Variants in CDH18 observed in about 807,000 individuals in gnomAD.
The protein encoded by CDH18 is cadherin-18.
A neutral mutation model predicts 67.9 loss-of-function variants in CDH18; 31 were observed. That is an observed-to-expected ratio of 0.46 (90% CI 0.34 to 0.62). The LOEUF is 0.62. Ranked by LOEUF, CDH18 falls within the 20% of genes least tolerant of loss-of-function variation. The pLI is 0.01. For synonymous variants in CDH18, 362 were observed against 347.2 expected (o/e 1.04, Z -0.48); for missense variants, 890 against 975.5 (o/e 0.91, Z 1.17).
At chr5:19,484,280 C>T (rs772414494) in intron 11 of CDH18, among the ~76,000 whole-genome samples, 4 of 152,034 alleles carry the variant, frequency 2.6e-5, no homozygotes, top group Non-Finnish European at 4.4e-5. Flanking sequence ...GTTATAAATA[C>T]TAATTTAAAA....
At chr5:20,186,958 A>G (rs1193832627) in intron 2 of CDH18, among the ~76,000 whole-genome samples, 1 of 151,972 alleles carries the variant, frequency 6.6e-6, no homozygotes, top group Non-Finnish European at 1.5e-5. Context: ...ACTATTACCC[A>G]GCCTTAAAAA....
intron 5 of CDH18, among the ~76,000 whole-genome samples, chr5:19,648,244 G>A (rs368883332): frequency 6.0e-5 from 9 of 150,436 alleles, no homozygotes; most frequent in South Asian, 4.2e-4. Context: ...TTGAAAAACC[G>A]TCTCTACTAA....
intron 2 of CDH18, among the ~76,000 whole-genome samples, chr5:20,247,869 T>C (rs182998506): frequency 6.6e-6 from 1 of 152,150 alleles, no homozygotes; most frequent in Non-Finnish European, 1.5e-5. Flanking sequence ...AAATAATTAG[T>C]AGTAGAAAAA....
intron 3 of CDH18, among the ~76,000 whole-genome samples, chr5:19,811,476 G>A (rs1026678892): frequency 5.9e-5 from 9 of 151,916 alleles, no homozygotes; most frequent in Non-Finnish European, 1.2e-4. Flanking sequence ...CTTTCCCTTC[G>A]AAGGAACCAA....
At chr5:20,457,627 T>C (rs1750931416) in intron 1 of CDH18, among the ~76,000 whole-genome samples, 1 of 152,138 alleles carries the variant, frequency 6.6e-6, no homozygotes, top group Non-Finnish European at 1.5e-5. Context: ...CATGGGGTTA[T>C]AGTATGTGCT....
chr5:20,029,739 G>A (rs750110406), intron 2 of CDH18, among the ~76,000 whole-genome samples: 1 of 152,180 alleles, frequency 6.6e-6, no homozygotes, highest in Non-Finnish European at 1.5e-5. Flanking sequence ...TCCAAAACAT[G>A]ATAAAATGTA....
chr5:19,994,849 T>TAG (rs1186725188), intron 2 of CDH18, among the ~76,000 whole-genome samples: 857 of 32,320 alleles, frequency 0.027, 91 homozygotes, highest in Middle Eastern at 0.079. Context: ...TATATATATA[T>TAG]ATATATAGAG....
At chr5:20,125,466 T>A (rs1387119297) in intron 2 of CDH18, among the ~76,000 whole-genome samples, 1 of 152,116 alleles carries the variant, frequency 6.6e-6, no homozygotes, top group Non-Finnish European at 1.5e-5. Flanking sequence ...TATGCTTGAG[T>A]GGGTTTATGT....
At chr5:19,554,758 T>C (rs1011144675) in intron 8 of CDH18, among the ~76,000 whole-genome samples, 19 of 152,104 alleles carry the variant, frequency 1.2e-4, no homozygotes, top group African/African-American at 4.6e-4. Flanking sequence ...GGCTGTTAGA[T>C]AAACTTTAAC....
At position 19,762,645 on chromosome 5, in the gene CDH18, C is replaced by T. The variant is rs541206560; in HGVS notation, c.229-15409G>A. 1.3e-4 allele frequency among the ~76,000 whole-genome samples: 20 copies of T among 152,038 alleles called. 1 individual carries two copies. The highest frequency in any genetic ancestry group is 9.8e-4 in the Admixed American group (15 of 15,280). ...AGAAATAGGAATGCTTTTACACTGT[C>T]GGTGGGAGTGTAAACTAGTTCAACC... On this transcript the variant is annotated intron_variant, in intron 3 of 12. Coordinates refer to ENST00000382275, the MANE Select transcript of CDH18 (RefSeq NM_004934.5).
At chr5:20,412,286 T>C (rs983413384) in intron 1 of CDH18, among the ~76,000 whole-genome samples, 1 of 152,130 alleles carries the variant, frequency 6.6e-6, no homozygotes, top group Non-Finnish European at 1.5e-5. Flanking sequence ...TAGTGTTCAA[T>C]AAACGATACT....
chr5:19,882,009 G>A (rs951014715), intron 2 of CDH18, among the ~76,000 whole-genome samples: 4 of 151,914 alleles, frequency 2.6e-5, no homozygotes, highest in Non-Finnish European at 4.4e-5. Flanking sequence ...TGAAAATCTC[G>A]ACTTAGATGA....
intron 1 of CDH18, among the ~76,000 whole-genome samples, chr5:20,357,675 G>A (rs1026626757): frequency 1.3e-5 from 2 of 152,176 alleles, no homozygotes; most frequent in South Asian, 4.1e-4. Context: ...TAGTGAGGCT[G>A]TGGAGAAAAT....
intron 3 of CDH18, among the ~76,000 whole-genome samples, chr5:19,769,800 T>C (rs900850491): frequency 6.6e-6 from 1 of 151,740 alleles, no homozygotes; most frequent in South Asian, 2.1e-4. Flanking sequence ...AAAGTGAAAG[T>C]ACGACTCACA....
chr5:19,834,286 C>A (rs1781375570), intron 3 of CDH18, among the ~76,000 whole-genome samples: 1 of 151,526 alleles, frequency 6.6e-6, no homozygotes, highest in Non-Finnish European at 1.5e-5. Context: ...TTATCCATTT[C>A]TTTTAGATTT....
intron 1 of CDH18, among the ~76,000 whole-genome samples, chr5:20,507,607 AAGAC>A (rs1241715328): frequency 6.6e-6 from 1 of 152,184 alleles, no homozygotes; most frequent in African/African-American, 2.4e-5. Flanking sequence ...AAAGTAAAAG[AAGAC>A]AGGAAAATAA....
chr5:19,849,594 AT>A (rs1783415294), intron 2 of CDH18, among the ~76,000 whole-genome samples: 1 of 113,964 alleles, frequency 8.8e-6, no homozygotes, highest in Non-Finnish European at 2.1e-5. Context: ...ACATATATAT[AT>A]AAACATATAT....
At chr5:19,857,688 A>C (rs1295083044) in intron 2 of CDH18, among the ~76,000 whole-genome samples, 1 of 152,180 alleles carries the variant, frequency 6.6e-6, no homozygotes, top group African/African-American at 2.4e-5. Flanking sequence ...ATATCTGACC[A>C]GCTTAACTAA....
intron 2 of CDH18, among the ~76,000 whole-genome samples, chr5:20,251,293 G>C (rs2126596408): frequency 6.6e-6 from 1 of 151,988 alleles, no homozygotes; most frequent in East Asian, 1.9e-4. Context: ...GGACAGGAAG[G>C]TTGATGCAAT....
Sources: gnomAD v4.1 joint callset for allele counts (sites outside exome capture counted in the v4.1 genomes callset) on GRCh38, gnomAD v4.1.1 for gene constraint, MANE v1.5 for transcripts, NCBI Gene and HGNC (gene_info 2026-07-23, HGNC 2026-07-21) for gene names.